PLEKHA6: variants seen among roughly 807,000 people sequenced by gnomAD.
PLEKHA6 encodes pleckstrin homology domain containing A6, also known as pleckstrin homology domain-containing family A member 6.
PLEKHA6 carries 60 observed loss-of-function variants against 116.7 expected under a neutral mutation model. The ratio of observed to expected loss-of-function variants is 0.51; its 90% CI spans 0.42 to 0.64. PLEKHA6 has a LOEUF of 0.64. Among genes scored for constraint, PLEKHA6 ranks in the 30% least tolerant of loss-of-function variants. The probability of loss-of-function intolerance (pLI) is 0.00; values close to 1 mark genes in which losing one functional copy is unlikely to be tolerated. For synonymous variants in PLEKHA6, 489 were observed against 556.1 expected (o/e 0.88, Z 1.70); for missense variants, 1,338 against 1,422.7 (o/e 0.94, Z 0.96).
chr1:204,340,473 G>A (rs1237663416), intron 1 of PLEKHA6, among the ~76,000 whole-genome samples: 2 of 152,184 alleles, frequency 1.3e-5, no homozygotes, highest in Non-Finnish European at 2.9e-5. Flanking sequence ...CAACTGCGGA[G>A]AGGCAGGGAG....
At chr1:204,361,125 G>A (rs1024220441), upstream of PLEKHA6, among the ~76,000 whole-genome samples, 10 of 152,062 alleles carry the variant, frequency 6.6e-5, no homozygotes, top group Admixed American at 2.6e-4. Context: ...AGTCACTTCT[G>A]AATAGAGAAA....
In PLEKHA6 at chr1:204,254,362, A is replaced by C. The variant is rs756043927; in HGVS notation, c.1524+2991T>G. On this transcript the variant is annotated intron_variant, in intron 9 of 22. Coordinates refer to ENST00000272203, the MANE Select transcript of PLEKHA6 (RefSeq NM_014935.5). Reference sequence around the variant, plus strand: ...GCCTATTACAAAATCGAATTGCGACACCGACATGAAGCCCTGGTGAGATGG... The same window carrying C: ...GCCTATTACAAAATCGAATTGCGACCCCGACATGAAGCCCTGGTGAGATGG... Among the ~76,000 whole-genome samples, 10 of 152,236 alleles carry C rather than the reference A, an allele frequency of 6.6e-5. 1 individual carries two copies. Among genetic ancestry groups the C allele is most frequent in the Admixed American group, 4.6e-4 (7 of 15,286 alleles).
chr1:204,250,431 T>G (rs3795570), intron 10 of PLEKHA6, 115 bp downstream of exon 10: 490,694 of 737,248 alleles, frequency 0.67, 164,830 homozygotes, highest in East Asian at 0.82. Context: ...AGGAGAGAGA[T>G]AGATGGAGAG....
intron 1 of PLEKHA6, among the ~76,000 whole-genome samples, chr1:204,330,591 C>T (rs988723987): frequency 2.0e-5 from 3 of 151,642 alleles, no homozygotes; most frequent in African/African-American, 7.2e-5. Flanking sequence ...CTCTGGAGGT[C>T]CTGCTCTGGA....
chr1:204,348,142 A>G (rs2103349466), intron 1 of PLEKHA6, among the ~76,000 whole-genome samples: 2 of 152,326 alleles, frequency 1.3e-5, no homozygotes, highest in Middle Eastern at 6.8e-3. Context: ...TGGACAAGAT[A>G]CCTTCTGACT....
At chr1:204,340,535 G>A (rs533457615) in intron 1 of PLEKHA6, among the ~76,000 whole-genome samples, 6 of 152,282 alleles carry the variant, frequency 3.9e-5, no homozygotes, top group African/African-American at 1.2e-4. Flanking sequence ...CCAGGCAAGC[G>A]ATGCTCAAAG....
At chr1:204,325,480 A>T (rs537758390) in intron 1 of PLEKHA6, among the ~76,000 whole-genome samples, 1 of 152,268 alleles carries the variant, frequency 6.6e-6, no homozygotes, top group Non-Finnish European at 1.5e-5. Context: ...TGGTTTGACA[A>T]AGAACCAATG....
intron 15 of PLEKHA6, 84 bp downstream of exon 15, chr1:204,244,780 G>C (rs1201445830): frequency 9.3e-7 from 1 of 1,079,842 alleles, no homozygotes; most frequent in African/African-American, 1.7e-5. Flanking sequence ...GGGAAGAGAT[G>C]GGCACAGAAG....
At position 204,376,123 on chromosome 1, in the gene PLEKHA6, T is replaced by C. The variant is rs574009870; in HGVS notation, c.83+1460A>G. Among the ~76,000 whole-genome samples the C allele has an allele frequency of 5.9e-5, 9 of 152,342 alleles. No homozygotes were observed. The East Asian group carries it at 1.7e-3, about 29-fold the overall frequency. ...AAACCTATATCTTATTGTTTTTATCTCCAGTGCCTAGCACTGCAGCAAAGA... is the reference window on the plus strand; with the variant it reads ...AAACCTATATCTTATTGTTTTTATCCCCAGTGCCTAGCACTGCAGCAAAGA... On this transcript the variant is annotated intron_variant, in intron 1 of 4. Transcript: ENST00000564627.
chr1:204,304,162 T>A lies in PLEKHA6; in HGVS notation c.-94-29353A>T, dbSNP rs577052002. On this transcript the variant is annotated intron_variant, in intron 1 of 22. Coordinates refer to ENST00000272203, the MANE Select transcript of PLEKHA6 (RefSeq NM_014935.5). Reference sequence around the variant, plus strand: ...CAATCCACAGATCTCCTTGCTCTTTTCCAAAGATAGAAGACGACCTCCCTC... The same window carrying A: ...CAATCCACAGATCTCCTTGCTCTTTACCAAAGATAGAAGACGACCTCCCTC... 4.6e-5 allele frequency among the ~76,000 whole-genome samples: 7 copies of A among 152,324 alleles called. No individual in the cohort carries two copies. In the East Asian group the frequency reaches 1.4e-3, roughly 29 times the overall value.
intron 1 of PLEKHA6, chr1:204,301,137 T>G (rs1472635049): frequency 2.0e-6 from 1 of 494,476 alleles, no homozygotes; most frequent in Non-Finnish European, 2.6e-6. Flanking sequence ...ACTTTACCAT[T>G]CTAAAATCCA....
rs1366893227 is a variant in PLEKHA6, at chr1:204,253,097, G to A, written c.1525-2483C>T. 2.0e-5 allele frequency among the ~76,000 whole-genome samples: 3 copies of A among 152,186 alleles called. No individual in the cohort carries two copies. In the East Asian group the frequency reaches 5.8e-4, roughly 29 times the overall value. ...CTACCTAACCCAGTGCCTCACACAT[G>A]GTAAGGAGTGCTCATTGATATTTTT... On this transcript the variant is annotated intron_variant, in intron 9 of 22. Coordinates refer to ENST00000272203, the MANE Select transcript of PLEKHA6 (RefSeq NM_014935.5).
chr1:204,314,231 A>G (rs12034941), intron 1 of PLEKHA6, among the ~76,000 whole-genome samples: 34,204 of 152,154 alleles, frequency 0.22, 3,985 homozygotes, highest in South Asian at 0.29. Context: ...GGTGGACAGC[A>G]TGAGTGGCTC....
chr1:204,257,582 A>G lies in PLEKHA6; in HGVS notation c.1295T>C (p.Val432Ala), dbSNP rs1665507080. ...GGCGGCATCCAGCTCATCATAATAGACTGGCTGCCGGGAGGGGCTTGGGAT... is the reference window on the plus strand; with the variant it reads ...GGCGGCATCCAGCTCATCATAATAGGCTGGCTGCCGGGAGGGGCTTGGGAT... ...VWIPSPSRQP[V>A]YYDELDAASS... The change falls in exon 9 of 23, where the codon GTC (valine) becomes GCC (alanine). Residue 432 changes from valine to alanine, a missense_variant. Val to Ala is a moderately conservative substitution (Grantham distance 64). Around this residue, in one of 3 missense-constraint regions of PLEKHA6, gnomAD observed 1,136 missense variants for 1,163.6 expected, o/e 0.98. Transcript: ENST00000272203. The surrounding 1 kb of genome is among the most constrained non-coding windows in gnomAD (Gnocchi z 6.5). 6.2e-7 allele frequency: 1 copy of G among 1,607,984 alleles called. No individual in the cohort carries two copies. The highest frequency in any genetic ancestry group is 8.5e-7 in the Non-Finnish European group (1 of 1,177,208).
chr1:204,253,844 A>G (rs896188181), intron 9 of PLEKHA6, among the ~76,000 whole-genome samples: 5 of 150,642 alleles, frequency 3.3e-5, no homozygotes, highest in African/African-American at 1.2e-4. Flanking sequence ...AAAAAAAAAA[A>G]AAAAAACAAA....
At chr1:204,322,913 C>G (rs554113720) in intron 1 of PLEKHA6, among the ~76,000 whole-genome samples, 21 of 152,242 alleles carry the variant, frequency 1.4e-4, no homozygotes, top group Non-Finnish European at 2.5e-4. Flanking sequence ...GATGCAAGGT[C>G]TTCCCAACCT....
chr1:204,367,553 A>G lies in PLEKHA6; in HGVS notation c.218+246T>C, dbSNP rs1210053921. Among the ~76,000 whole-genome samples, 12 of 150,612 alleles carry G rather than the reference A, an allele frequency of 8.0e-5. No individual in the cohort carries two copies. In the East Asian group the frequency reaches 2.4e-3, roughly 30 times the overall value. On this transcript the variant is annotated intron_variant, in intron 3 of 4. Transcript: ENST00000564627. ...CCGGTACAGCCCAGCCCAACACTCC[A>G]CCCACCCCACCCCAGGAAACTTACC...
chr1:204,266,398 C>G lies in PLEKHA6; in HGVS notation c.280+1077G>C, dbSNP rs543970423. 7.2e-5 allele frequency among the ~76,000 whole-genome samples: 11 copies of G among 152,234 alleles called. No individual in the cohort carries two copies. The East Asian group carries it at 1.2e-3, about 16-fold the overall frequency. Reference sequence around the variant, plus strand: ...GGTTCTCAGCTCCTTGAGGTTCTACCCCCACTGCTTCCCAAAGACTCTCCT... The same window carrying G: ...GGTTCTCAGCTCCTTGAGGTTCTACGCCCACTGCTTCCCAAAGACTCTCCT... On this transcript the variant is annotated intron_variant, in intron 5 of 22. Coordinates refer to ENST00000272203, the MANE Select transcript of PLEKHA6 (RefSeq NM_014935.5).
intron 1 of PLEKHA6, chr1:204,347,256 C>A: frequency 9.7e-7 from 1 of 1,025,722 alleles, no homozygotes; most frequent in Non-Finnish European, 1.5e-6. Flanking sequence ...TTGTATTCGT[C>A]ATTTTGGCGA....
Sources: gnomAD v4.1 joint callset for allele counts (sites outside exome capture counted in the v4.1 genomes callset) on GRCh38, gnomAD v4.1.1 for gene constraint, gnomAD v4.1.1 regional missense constraint, Gnocchi (gnomAD v3.1) non-coding constraint, MANE v1.5 for transcripts, NCBI Gene and HGNC (gene_info 2026-07-23, HGNC 2026-07-21) for gene names.